Variants in SLC26A7 observed in about 807,000 individuals in gnomAD.
The protein encoded by SLC26A7 is solute carrier family 26 member 7.
In SLC26A7, 59 loss-of-function variants were observed where a neutral mutation model predicts 82.5. The observed-to-expected ratio is 0.72, with a 90% CI of 0.58 to 0.89. The LOEUF is 0.89. SLC26A7 is among the 40% of genes least tolerant of loss of function. The pLI is 0.00. For missense variants in SLC26A7, 820 were observed against 793.0 expected, an observed-to-expected ratio of 1.03 and a Z score of -0.41; for synonymous variants, 271 against 274.3, an observed-to-expected ratio of 0.99 and a Z score of 0.12.
At chr8:91,232,245 C>T (rs552515277) in intron 2 of SLC26A7, among the ~76,000 whole-genome samples, 2 of 152,204 alleles carry the variant, frequency 1.3e-5, no homozygotes, top group South Asian at 4.1e-4. Flanking sequence ...ACATTTATTT[C>T]TAACCAAAAT....
intron 6 of SLC26A7, among the ~76,000 whole-genome samples, chr8:91,334,930 T>C (rs1219774196): frequency 1.3e-5 from 2 of 152,194 alleles, no homozygotes; most frequent in African/African-American, 4.8e-5. Flanking sequence ...CTCATGATTT[T>C]CATTGGCCAA....
intron 5 of SLC26A7, 29 bp downstream of exon 5, chr8:91,318,409 T>C (rs1812703125): frequency 6.5e-7 from 1 of 1,547,516 alleles, no homozygotes; most frequent in Non-Finnish European, 8.8e-7. Flanking sequence ...TTCATACATA[T>C]CTTTTGAATG....
intron 3 of SLC26A7, 61 bp downstream of exon 3, chr8:91,289,307 C>T (rs1184717886): frequency 2.4e-6 from 3 of 1,239,558 alleles, no homozygotes; most frequent in African/African-American, 1.5e-5. Context: ...GTGATTATTA[C>T]TGATTACATC....
chr8:91,371,550 TG>T (rs33978505), intron 15 of SLC26A7, among the ~76,000 whole-genome samples: 14,190 of 151,996 alleles, frequency 0.093, 936 homozygotes, highest in African/African-American at 0.19. Flanking sequence ...GCTCCATCCA[TG>T]TTGCTGCAAA....
chr8:91,263,755 T>TA (rs1811034543), intron 2 of SLC26A7, among the ~76,000 whole-genome samples: 1 of 152,058 alleles, frequency 6.6e-6, no homozygotes, highest in Admixed American at 6.6e-5. Context: ...TAACTTCCAA[T>TA]ACTTCTTTCT....
chr8:91,369,178 C>G (rs1194203942), intron 14 of SLC26A7, among the ~76,000 whole-genome samples: 1 of 152,214 alleles, frequency 6.6e-6, no homozygotes, highest in Non-Finnish European at 1.5e-5. Flanking sequence ...AAATTTATAA[C>G]TTCATATGCT....
intron 15 of SLC26A7, among the ~76,000 whole-genome samples, chr8:91,379,314 G>A (rs1814605922): frequency 6.6e-6 from 1 of 151,954 alleles, no homozygotes; most frequent in Non-Finnish European, 1.5e-5. Flanking sequence ...CTTTTTACAA[G>A]CTTATTTAAA....
At chr8:91,342,121 G>A (rs1418322781) in intron 8 of SLC26A7, among the ~76,000 whole-genome samples, 3 of 151,660 alleles carry the variant, frequency 2.0e-5, no homozygotes, top group Non-Finnish European at 2.9e-5. Context: ...TTAAACATGG[G>A]GGTCTTGCTG....
At position 91,231,156 on chromosome 8, in the gene SLC26A7, G is replaced by A. The variant is rs141579578; in HGVS notation, c.-34+12151G>A. Among the ~76,000 whole-genome samples the A allele has an allele frequency of 2.6e-3, 398 of 152,268 alleles. 1 individual carries two copies. The highest frequency in any genetic ancestry group is 9.3e-3 in the African/African-American group (386 of 41,556). On this transcript the variant is annotated intron_variant, in intron 2 of 5. Coordinates refer to the SLC26A7 transcript ENST00000522862. ...GGATGAGTTTGATTTTATGATAGAC[G>A]TGGGAAATTAAGGATGCTAACTGGA... is the stretch of plus-strand genomic sequence containing the variant.
At chr8:91,345,772 A>C (rs1813545976) in intron 9 of SLC26A7, among the ~76,000 whole-genome samples, 1 of 152,166 alleles carries the variant, frequency 6.6e-6, no homozygotes, top group Non-Finnish European at 1.5e-5. Context: ...TGTGTTCCAT[A>C]ACTGGGGTTT....
At chr8:91,361,958 T>G (rs1814062081) in intron 11 of SLC26A7, among the ~76,000 whole-genome samples, 1 of 152,090 alleles carries the variant, frequency 6.6e-6, no homozygotes, top group African/African-American at 2.4e-5. Context: ...AGACAAAATA[T>G]TGTTGGGAAT....
At chr8:91,285,897 A>G (rs1338250659) in intron 2 of SLC26A7, among the ~76,000 whole-genome samples, 2 of 152,246 alleles carry the variant, frequency 1.3e-5, no homozygotes, top group African/African-American at 4.8e-5. Flanking sequence ...TAATTCAGGT[A>G]CATTACTCAA....
intron 15 of SLC26A7, among the ~76,000 whole-genome samples, chr8:91,380,619 G>GGTAACTTA (rs1814644994): frequency 6.6e-6 from 1 of 152,110 alleles, no homozygotes; most frequent in African/African-American, 2.4e-5. Context: ...ATGTGTTCAA[G>GGTAACTTA]GTAACTTATG....
intron 1 of SLC26A7, among the ~76,000 whole-genome samples, chr8:91,215,592 CT>C (rs1810030100): frequency 6.6e-6 from 1 of 152,118 alleles, no homozygotes; most frequent in Non-Finnish European, 1.5e-5. Flanking sequence ...AAAAAGTAAA[CT>C]GTATTATAGC....
At chr8:91,253,072 T>C (rs977901762) in intron 2 of SLC26A7, among the ~76,000 whole-genome samples, 8 of 152,106 alleles carry the variant, frequency 5.3e-5, no homozygotes, top group African/African-American at 1.7e-4. Flanking sequence ...GAACCAGAAC[T>C]ATAATAATAA....
In SLC26A7 at chr8:91,249,375, A is replaced by G. The variant is rs1810595269; in HGVS notation, c.-152A>G. On this transcript the variant is annotated 5_prime_UTR_variant, in exon 1 of 19. An upstream start codon of the reference 5' UTR is lost. Transcript: ENST00000276609. The stretch of plus-strand genomic sequence containing the variant: ...TTCCAAGACCAGAAAAAAATATTAC[A>G]TGAACAGGAACTACTTCTCCTTCAG... The G allele has an allele frequency of 8.0e-6, 2 of 250,994 alleles. No individual in the cohort carries two copies. The highest frequency in any genetic ancestry group is 7.5e-6 in the Non-Finnish European group (1 of 133,434). The allele number at this position is 250,994 out of a possible 1,614,324, so 15.5% of individuals were successfully genotyped here. A position where few individuals can be genotyped will look rare whatever the true frequency, so the allele number is the denominator to read the frequency against.
At chr8:91,304,001 A>G (rs982505923) in intron 4 of SLC26A7, among the ~76,000 whole-genome samples, 6 of 152,358 alleles carry the variant, frequency 3.9e-5, no homozygotes, top group Non-Finnish European at 7.3e-5. Flanking sequence ...AAGAAGTAAT[A>G]AACTTAACCA....
At chr8:91,262,919 C>T (rs28415384) in intron 2 of SLC26A7, among the ~76,000 whole-genome samples, 80,647 of 151,452 alleles carry the variant, frequency 0.53, 24,192 homozygotes, top group South Asian at 0.68. Context: ...AATAAGTAAA[C>T]AAACCATTAT....
chr8:91,384,273 A>G (rs1380084340), intron 15 of SLC26A7, among the ~76,000 whole-genome samples: 1 of 152,052 alleles, frequency 6.6e-6, no homozygotes, highest in East Asian at 1.9e-4. Flanking sequence ...CCTGTCCTCC[A>G]TTTGCAAGCT....
Sources: gnomAD v4.1 joint callset for allele counts (sites outside exome capture counted in the v4.1 genomes callset) on GRCh38, gnomAD v4.1.1 for gene constraint, MANE v1.5 for transcripts, NCBI Gene and HGNC (gene_info 2026-07-23, HGNC 2026-07-21) for gene names.